FAM117B: variants seen among roughly 807,000 people sequenced by gnomAD.
FAM117B encodes family with sequence similarity 117 member B, also known as protein FAM117B.
A neutral mutation model predicts 52.8 loss-of-function variants in FAM117B; 22 were observed. That is an observed-to-expected ratio of 0.42 (90% CI 0.30 to 0.59). The LOEUF is 0.59. Ranked by LOEUF, FAM117B falls within the 20% of genes least tolerant of loss-of-function variation. The probability of loss-of-function intolerance (pLI) is 0.22; values close to 1 mark genes in which losing one functional copy is unlikely to be tolerated. For synonymous variants in FAM117B, 309 were observed against 324.1 expected, an observed-to-expected ratio of 0.95 and a Z score of 0.50; for missense variants, 678 against 802.6, an observed-to-expected ratio of 0.84 and a Z score of 1.88.
chr2:202,651,914 G>A (rs963751018), intron 1 of FAM117B, among the ~76,000 whole-genome samples: 45 of 151,844 alleles, frequency 3.0e-4, no homozygotes, highest in African/African-American at 9.9e-4. Flanking sequence ...TTAGCCGGGC[G>A]TGGTGATGCA....
chr2:202,759,401 T>C, intron 7 of FAM117B, 48 bp downstream of exon 7: 1 of 1,588,752 alleles, frequency 6.3e-7, no homozygotes, highest in Non-Finnish European at 8.5e-7. Context: ...TATGAGCTTT[T>C]TTTTTTGAGA....
intron 7 of FAM117B, among the ~76,000 whole-genome samples, chr2:202,760,637 T>G (rs991280378): frequency 1.3e-5 from 2 of 152,124 alleles, no homozygotes; most frequent in African/African-American, 2.4e-5. Flanking sequence ...CTGGGCAGAA[T>G]AAGGGTAGGG....
chr2:202,648,700 G>A (rs1239495285), intron 1 of FAM117B, among the ~76,000 whole-genome samples: 1 of 151,820 alleles, frequency 6.6e-6, no homozygotes, highest in South Asian at 2.1e-4. Context: ...GAATATTCTT[G>A]TATATACTTC....
chr2:202,688,742 G>A (rs1690580290), intron 1 of FAM117B, among the ~76,000 whole-genome samples: 1 of 152,104 alleles, frequency 6.6e-6, no homozygotes, highest in South Asian at 2.1e-4. Context: ...ACAAGAATGG[G>A]TACCCTTGTG....
At chr2:202,674,672 G>A (rs1026603615) in intron 1 of FAM117B, among the ~76,000 whole-genome samples, 1 of 152,156 alleles carries the variant, frequency 6.6e-6, no homozygotes, top group Non-Finnish European at 1.5e-5. Flanking sequence ...AGATCTTCCT[G>A]ACCCAGTTTC....
chr2:202,640,596 A>T (rs916502328), intron 1 of FAM117B, among the ~76,000 whole-genome samples: 1 of 151,652 alleles, frequency 6.6e-6, no homozygotes, highest in Non-Finnish European at 1.5e-5. Flanking sequence ...GATTGCTGCT[A>T]ACATTACACA....
At chr2:202,686,803 G>T (rs1427344627) in intron 1 of FAM117B, among the ~76,000 whole-genome samples, 1 of 139,544 alleles carries the variant, frequency 7.2e-6, no homozygotes, top group African/African-American at 2.5e-5. Flanking sequence ...ATGAGATTCG[G>T]TCAAAAAAAA....
intron 1 of FAM117B, among the ~76,000 whole-genome samples, chr2:202,641,627 A>G (rs1385995283): frequency 6.9e-6 from 1 of 145,646 alleles, no homozygotes; most frequent in Non-Finnish European, 1.5e-5. Context: ...TCTCAATATT[A>G]GATATTTTAT....
At chr2:202,663,580 C>CT (rs11368989) in intron 1 of FAM117B, among the ~76,000 whole-genome samples, 86,500 of 138,798 alleles carry the variant, frequency 0.62, 27,344 homozygotes, top group African/African-American at 0.76. Context: ...CACATTAAGC[C>CT]TTTTTTTTTT....
At chr2:202,745,204 C>T (rs1036953531) in intron 4 of FAM117B, among the ~76,000 whole-genome samples, 1 of 151,558 alleles carries the variant, frequency 6.6e-6, no homozygotes, top group Admixed American at 6.6e-5. Context: ...CTCTTGAACC[C>T]AGGAGGCAGA....
chr2:202,714,773 G>A (rs1391449515), intron 2 of FAM117B, among the ~76,000 whole-genome samples: 3 of 151,950 alleles, frequency 2.0e-5, no homozygotes, highest in Non-Finnish European at 2.9e-5. Flanking sequence ...GTTTAACAAA[G>A]CACATCTTGC....
At chr2:202,686,072 A>G (rs1294848483) in intron 1 of FAM117B, among the ~76,000 whole-genome samples, 2 of 152,256 alleles carry the variant, frequency 1.3e-5, no homozygotes, top group Admixed American at 1.3e-4. Flanking sequence ...ATCCAATTCA[A>G]TAAGAAGACA....
chr2:202,688,407 A>C (rs1690575817), intron 1 of FAM117B, among the ~76,000 whole-genome samples: 2 of 152,172 alleles, frequency 1.3e-5, no homozygotes, highest in African/African-American at 4.8e-5. Context: ...TAGATAGTGG[A>C]TGAAAGACAA....
At chr2:202,640,364 G>T (rs1689753575) in intron 1 of FAM117B, among the ~76,000 whole-genome samples, 1 of 122,044 alleles carries the variant, frequency 8.2e-6, no homozygotes, top group Non-Finnish European at 1.6e-5. Flanking sequence ...GTTCTTGCTA[G>T]TTTCCCCCTT....
chr2:202,672,480 C>T (rs1397605647), intron 1 of FAM117B, among the ~76,000 whole-genome samples: 1 of 152,202 alleles, frequency 6.6e-6, no homozygotes, highest in Non-Finnish European at 1.5e-5. Flanking sequence ...TCCCAAAGTG[C>T]TGGGATTACA....
chr2:202,751,879 T>C (rs1691729534), intron 4 of FAM117B, among the ~76,000 whole-genome samples: 1 of 151,742 alleles, frequency 6.6e-6, no homozygotes, highest in Non-Finnish European at 1.5e-5. Context: ...TTTTAAAAAT[T>C]ATATAAATTT....
At chr2:202,673,812 G>T (rs1690338635) in intron 1 of FAM117B, among the ~76,000 whole-genome samples, 1 of 152,062 alleles carries the variant, frequency 6.6e-6, no homozygotes, top group Non-Finnish European at 1.5e-5. Context: ...TCTTGAAAAG[G>T]TTATGTCTAA....
At chr2:202,715,270 C>T (rs953908487) in intron 2 of FAM117B, among the ~76,000 whole-genome samples, 3 of 152,044 alleles carry the variant, frequency 2.0e-5, no homozygotes, top group African/African-American at 4.8e-5. Flanking sequence ...CCCCCACCTC[C>T]CTCCGGGACG....
At chr2:202,744,164 G>A (rs991396064) in intron 4 of FAM117B, among the ~76,000 whole-genome samples, 5 of 152,134 alleles carry the variant, frequency 3.3e-5, no homozygotes, top group South Asian at 2.1e-4. Flanking sequence ...GTCTTAGTTC[G>A]TTTGTGTTTC....
Sources: allele counts gnomAD v4.1 joint callset (sites outside exome capture counted in the v4.1 genomes callset), GRCh38; gene constraint gnomAD v4.1.1; transcripts MANE v1.5; gene names NCBI Gene and HGNC (gene_info 2026-07-23, HGNC 2026-07-21).